VPS13B: variants seen among roughly 807,000 people sequenced by gnomAD.
The protein encoded by VPS13B is vacuolar protein sorting 13 homolog B.
VPS13B carries 285 observed loss-of-function variants against 426.4 expected under a neutral mutation model. That is an observed-to-expected ratio of 0.67 (90% CI 0.61 to 0.74). The LOEUF is 0.74. VPS13B is among the 30% of genes least tolerant of loss of function. The pLI is 0.00. For missense variants in VPS13B, 4,537 were observed against 4,782.6 expected (o/e 0.95, Z 1.51); for synonymous variants, 1,676 against 1,676.4 (o/e 1.00, Z 0.01).
At chr8:99,713,894 C>A (rs1832803859) in intron 36 of VPS13B, among the ~76,000 whole-genome samples, 2 of 152,182 alleles carry the variant, frequency 1.3e-5, no homozygotes, top group African/African-American at 4.8e-5. Flanking sequence ...AATCCCAGCA[C>A]TTTGAGAGGC....
chr8:99,640,198 T>C (rs1223260056), intron 33 of VPS13B, among the ~76,000 whole-genome samples: 1 of 152,092 alleles, frequency 6.6e-6, no homozygotes, highest in Non-Finnish European at 1.5e-5. Flanking sequence ...CCTTTTTGGA[T>C]AGATGTTTGA....
intron 35 of VPS13B, among the ~76,000 whole-genome samples, chr8:99,679,444 T>C (rs1831068444): frequency 6.6e-6 from 1 of 152,110 alleles, no homozygotes; most frequent in African/African-American, 2.4e-5. Flanking sequence ...AATTAGAACT[T>C]TTGTGTTGTG....
chr8:99,590,149 T>A (rs950661521), intron 33 of VPS13B, among the ~76,000 whole-genome samples: 1 of 152,202 alleles, frequency 6.6e-6, no homozygotes, highest in Admixed American at 6.5e-5. Context: ...TATGCTGTCA[T>A]GGTGGTTTCT....
chr8:99,859,881 T>C (rs6468698), intron 57 of VPS13B, among the ~76,000 whole-genome samples: 39 of 152,328 alleles, frequency 2.6e-4, no homozygotes, highest in Middle Eastern at 3.4e-3. Flanking sequence ...CTTAAGGATA[T>C]GGATACATTC....
At chr8:99,286,394 C>T (rs2133033998) in intron 19 of VPS13B, among the ~76,000 whole-genome samples, 1 of 152,212 alleles carries the variant, frequency 6.6e-6, no homozygotes, top group South Asian at 2.1e-4. Context: ...TTTAACTCAT[C>T]ATTAATGAGA....
chr8:99,076,752 T>C (rs1387299622), intron 3 of VPS13B, among the ~76,000 whole-genome samples: 2 of 152,090 alleles, frequency 1.3e-5, no homozygotes, highest in Non-Finnish European at 2.9e-5. Flanking sequence ...GTATTTACAG[T>C]TAAAGTGAGT....
chr8:99,613,756 C>T (rs905555132), intron 33 of VPS13B: 2 of 152,162 alleles, frequency 1.3e-5, no homozygotes, highest in African/African-American at 4.8e-5. Context: ...TATATATACT[C>T]TGAACAGACC....
At chr8:99,345,294 G>T (rs1462612846) in intron 19 of VPS13B, among the ~76,000 whole-genome samples, 2 of 152,006 alleles carry the variant, frequency 1.3e-5, no homozygotes, top group African/African-American at 2.4e-5. Flanking sequence ...GTATCTTCTA[G>T]AGCAAATCTG....
intron 17 of VPS13B, among the ~76,000 whole-genome samples, chr8:99,254,686 C>T (rs1390144129): frequency 6.6e-6 from 1 of 151,780 alleles, no homozygotes; most frequent in African/African-American, 2.4e-5. Context: ...CTGTGTCACC[C>T]AGGCTGGAGT....
chr8:99,794,877 G>T (rs1812730564), intron 43 of VPS13B, among the ~76,000 whole-genome samples: 1 of 152,128 alleles, frequency 6.6e-6, no homozygotes, highest in Non-Finnish European at 1.5e-5. Context: ...AAGAGTCTTA[G>T]AACTCCTTTT....
At chr8:99,685,103 A>G (rs1001591076) in intron 35 of VPS13B, among the ~76,000 whole-genome samples, 10 of 152,194 alleles carry the variant, frequency 6.6e-5, no homozygotes, top group African/African-American at 2.2e-4. Context: ...GCCTGGCCCC[A>G]TTAGATGTTT....
At chr8:99,768,765 T>C (rs1032314265) in intron 40 of VPS13B, among the ~76,000 whole-genome samples, 12 of 152,174 alleles carry the variant, frequency 7.9e-5, no homozygotes, top group Admixed American at 7.9e-4. Context: ...TACCTGCATA[T>C]AGTTCAGCAA....
chr8:99,807,236 CT>C (rs1229664654), intron 43 of VPS13B, among the ~76,000 whole-genome samples: 1 of 152,184 alleles, frequency 6.6e-6, no homozygotes, highest in Non-Finnish European at 1.5e-5. Context: ...CAGCATATTC[CT>C]TGGTGACATC....
chr8:99,137,062 T>A (rs184817505), intron 12 of VPS13B, among the ~76,000 whole-genome samples: 56 of 152,242 alleles, frequency 3.7e-4, no homozygotes, highest in Admixed American at 2.2e-3. Context: ...AGAATAAACC[T>A]TTTCTATTCT....
chr8:99,825,584 A>G lies in VPS13B; in HGVS notation c.9330+1606A>G, dbSNP rs147740414. 6.7e-3 allele frequency among the ~76,000 whole-genome samples: 1,013 copies of G among 152,174 alleles called. 12 individuals are homozygous for G. The highest frequency in any genetic ancestry group is 0.023 in the African/African-American group (964 of 41,516). Reference sequence around the variant, plus strand: ...AAGCTCTCTAGTTTAATTAGATTCCATTTGTCAGTTTTGGCTTTTGTTGCC... The same window carrying G: ...AAGCTCTCTAGTTTAATTAGATTCCGTTTGTCAGTTTTGGCTTTTGTTGCC... On this transcript the variant is annotated intron_variant, in intron 51 of 61. Coordinates refer to ENST00000357162, the MANE Select transcript of VPS13B (RefSeq NM_152564.5).
At chr8:99,585,952 A>C (rs1588520751) in intron 33 of VPS13B, among the ~76,000 whole-genome samples, 1 of 152,140 alleles carries the variant, frequency 6.6e-6, no homozygotes, top group Non-Finnish European at 1.5e-5. Context: ...GTACTTCAGA[A>C]ATTGTGTTAT....
At chr8:99,054,447 A>T (rs1383774756) in intron 3 of VPS13B, among the ~76,000 whole-genome samples, 1 of 152,238 alleles carries the variant, frequency 6.6e-6, no homozygotes, top group Non-Finnish European at 1.5e-5. Flanking sequence ...TTTGTATTCA[A>T]GGTAGTAGAG....
At chr8:99,042,402 A>G (rs569763369) in intron 3 of VPS13B, among the ~76,000 whole-genome samples, 16 of 151,642 alleles carry the variant, frequency 1.1e-4, no homozygotes, top group Non-Finnish European at 1.9e-4. Flanking sequence ...GTTTAATTTT[A>G]TTTCTTTACT....
chr8:99,127,951 A>C (rs549884083), intron 8 of VPS13B, among the ~76,000 whole-genome samples: 1 of 152,164 alleles, frequency 6.6e-6, no homozygotes, highest in African/African-American at 2.4e-5. Context: ...TCAGTCTGTT[A>C]GGACATGTTT....
Sources: gnomAD v4.1 joint callset for allele counts (sites outside exome capture counted in the v4.1 genomes callset) on GRCh38, gnomAD v4.1.1 for gene constraint, MANE v1.5 for transcripts, NCBI Gene and HGNC (gene_info 2026-07-23, HGNC 2026-07-21) for gene names.